Variants in CFAP45 observed in about 807,000 individuals in gnomAD.
CFAP45 encodes the protein cilia- and flagella-associated protein 45.
CFAP45 carries 43 observed loss-of-function variants against 75.6 expected under a neutral mutation model. The ratio of observed to expected loss-of-function variants is 0.57; its 90% CI spans 0.45 to 0.73. The LOEUF (loss-of-function observed/expected upper bound fraction) is 0.73. Ranked by LOEUF, CFAP45 falls within the 30% of genes least tolerant of loss-of-function variation. The pLI is 0.00. For missense variants in CFAP45, 689 were observed against 701.5 expected (o/e 0.98, Z 0.20); for synonymous variants, 223 against 244.6 (o/e 0.91, Z 0.82).
intron 1 of CFAP45, among the ~76,000 whole-genome samples, chr1:159,897,375 G>A (rs1346385299): frequency 3.3e-5 from 5 of 152,188 alleles, no homozygotes; most frequent in Non-Finnish European, 7.3e-5. Flanking sequence ...CCTGAGGTCA[G>A]GAATTTGAGA....
At chr1:159,877,570 C>T in intron 8 of CFAP45, 108 bp from the exon 9 acceptor site, 1 of 808,548 alleles carries the variant, frequency 1.2e-6, no homozygotes, top group Non-Finnish European at 2.2e-6. Context: ...CACTTCCTGA[C>T]TCCTTTTAAA....
At chr1:159,888,546 C>A in intron 3 of CFAP45, 50 bp from the exon 4 acceptor site, 1 of 1,560,768 alleles carries the variant, frequency 6.4e-7, no homozygotes, top group South Asian at 1.1e-5. Context: ...AAGCTCTCAG[C>A]ACCACACTTC....
intron 8 of CFAP45, 65 bp from the exon 9 acceptor site, chr1:159,877,527 C>G: frequency 1.8e-6 from 2 of 1,110,806 alleles, no homozygotes; most frequent in South Asian, 2.5e-5. Context: ...AGAAACAAAA[C>G]CCCTACAACA....
chr1:159,883,287 AC>A (rs1649592949), intron 7 of CFAP45, among the ~76,000 whole-genome samples: 1 of 132,324 alleles, frequency 7.6e-6, no homozygotes, highest in Non-Finnish European at 1.7e-5. Context: ...TGAATGAAGA[AC>A]TGAATGAATG....
chr1:159,887,304 A>G (rs1296614681), intron 5 of CFAP45, among the ~76,000 whole-genome samples: 1 of 152,220 alleles, frequency 6.6e-6, no homozygotes, highest in African/African-American at 2.4e-5. Context: ...AGGTGCAGGG[A>G]TTGGGGAATC....
chr1:159,874,439 G>T (rs565569136), intron 10 of CFAP45, among the ~76,000 whole-genome samples: 3 of 152,140 alleles, frequency 2.0e-5, no homozygotes, highest in Non-Finnish European at 4.4e-5. Flanking sequence ...CAGTTTACCC[G>T]AAGAATACTG....
intron 3 of CFAP45, among the ~76,000 whole-genome samples, chr1:159,888,824 C>G (rs531547043): frequency 6.6e-6 from 1 of 150,522 alleles, no homozygotes; most frequent in Admixed American, 6.6e-5. Context: ...TCACCTCCTC[C>G]TCTGAGCCCA....
chr1:159,886,560 T>A lies in CFAP45; in HGVS notation c.718A>T (p.Ile240Phe), dbSNP rs766715218. The stretch of plus-strand genomic sequence containing the variant: ...CTCTCCAGTTCCTCCTGCCTTTGAA[T>A]GGATTTCTGCCGCTCCACTTCCATC... Reference protein sequence around the residue: ...QMMEVERQKSIQRQEELERKR... With the variant: ...QMMEVERQKSFQRQEELERKR... The change falls in exon 6 of 12, where the codon ATT (isoleucine) becomes TTT (phenylalanine). Residue 240 changes from isoleucine to phenylalanine, a missense_variant. Physicochemically the swap from Ile to Phe is conservative, Grantham distance 21 (BLOSUM62 0). Transcript: ENST00000368099. The A allele has an allele frequency of 4.4e-5, 71 of 1,614,074 alleles. No homozygotes were observed. Among genetic ancestry groups the A allele is most frequent in the Non-Finnish European group, 5.6e-5 (66 of 1,180,038 alleles).
At chr1:159,878,753 T>TAAAAAAAAAAAAAAAAAG (rs1649470238) in intron 8 of CFAP45, among the ~76,000 whole-genome samples, 1 of 32,496 alleles carries the variant, frequency 3.1e-5, no homozygotes, top group Non-Finnish European at 5.8e-5. Context: ...AGACTACATC[T>TAAAAAAAAAAAAAAAAAG]AAAAAAAAAA....
At chr1:159,878,929 C>A (rs896919968) in intron 8 of CFAP45, among the ~76,000 whole-genome samples, 1 of 151,964 alleles carries the variant, frequency 6.6e-6, no homozygotes, top group Non-Finnish European at 1.5e-5. Flanking sequence ...TTTCTACAAC[C>A]AATTTCTGCT....
rs1342612292 is a variant in CFAP45, at chr1:159,877,415, C to G, written c.1092G>C (p.Glu364Asp). Residue 364 changes from glutamate to aspartate, a missense_variant, in exon 9 of 12, where the codon GAG (glutamate) becomes GAC (aspartate). Glu to Asp is a conservative substitution (Grantham distance 45, BLOSUM62 2). Transcript: ENST00000368099. ...FEAEQERIRR[E>D]KEKEIARLRA... ...TCAAGCGTGCGATCTCCTTCTCTTT[C>G]TCCCTCCGGATTCTCTCCTGCTCAG... is the stretch of plus-strand genomic sequence containing the variant. 3 of 1,614,062 alleles carry G rather than the reference C, an allele frequency of 1.9e-6. No homozygotes were observed. Among genetic ancestry groups the G allele is most frequent in the Non-Finnish European group, 2.5e-6 (3 of 1,180,020 alleles).
intron 7 of CFAP45, among the ~76,000 whole-genome samples, chr1:159,883,620 T>TAA (rs199762533): frequency 1.3e-4 from 3 of 22,872 alleles, no homozygotes; most frequent in Admixed American, 8.8e-4. Flanking sequence ...AGTTTAACAA[T>TAA]AAAATATATA....
At chr1:159,876,009 T>C (rs1220550523) in intron 10 of CFAP45, among the ~76,000 whole-genome samples, 1 of 152,226 alleles carries the variant, frequency 6.6e-6, no homozygotes, top group African/African-American at 2.4e-5. Context: ...AAATCTCTAA[T>C]ACCTTTCCTG....
rs776465311 is a variant in CFAP45, at chr1:159,900,112, C to T, written c.-14G>A. On this transcript the variant is annotated 5_prime_UTR_variant, in exon 1 of 12. In the 5' UTR this introduces an upstream ATG that the reference lacks. Coordinates refer to ENST00000368099, the MANE Select transcript of CFAP45 (RefSeq NM_012337.3). ...CTCCCTCACCATCTCCTCAGCCACA[C>T]GCCCTGACTCCGGACTTCTGCTGCC... 41 of 1,614,060 alleles carry T rather than the reference C, an allele frequency of 2.5e-5. No homozygotes were observed. Among genetic ancestry groups the T allele is most frequent in the South Asian group, 1.1e-4 (10 of 91,090 alleles).
chr1:159,890,449 G>C (rs778620318), intron 3 of CFAP45, 31 bp downstream of exon 3: 2 of 1,611,668 alleles, frequency 1.2e-6, no homozygotes, highest in Non-Finnish European at 1.7e-6. Context: ...ATGAGGACTG[G>C]ACATAGAAGG....
At position 159,888,515 on chromosome 1, in the gene CFAP45, G is replaced by A; in HGVS notation, c.273-19C>T. Reference sequence around the variant, plus strand: ...GGGAACACTGTCACAAGAATAAACAGAGTTAGGGAGGGGAGAGGGAAAGCT... The same window carrying A: ...GGGAACACTGTCACAAGAATAAACAAAGTTAGGGAGGGGAGAGGGAAAGCT... On this transcript the variant is annotated intron_variant, in intron 3 of 11. Transcript: ENST00000368099. The A allele has an allele frequency of 6.2e-7, 1 of 1,611,868 alleles. No homozygotes were observed. The highest frequency in any genetic ancestry group is 1.3e-5 in the African/African-American group (1 of 74,952).
intron 1 of CFAP45, chr1:159,898,112 C>G (rs1332690493): frequency 1.0e-6 from 1 of 985,290 alleles, no homozygotes; most frequent in Non-Finnish European, 1.2e-6. Context: ...CGCAGGCTGG[C>G]AAATTCAGGC....
chr1:159,886,383 A>G, intron 6 of CFAP45, 128 bp downstream of exon 6: 1 of 861,846 alleles, frequency 1.2e-6, no homozygotes, highest in South Asian at 1.7e-5. Flanking sequence ...TCACTTCGTA[A>G]AGTTTTGAGA....
intron 1 of CFAP45, among the ~76,000 whole-genome samples, chr1:159,897,342 G>T (rs1649976183): frequency 6.6e-6 from 1 of 151,928 alleles, no homozygotes; most frequent in South Asian, 2.1e-4. Context: ...CCAGCACTTT[G>T]GGAGGCCAAA....
Sources: allele counts gnomAD v4.1 joint callset (sites outside exome capture counted in the v4.1 genomes callset), GRCh38; gene constraint gnomAD v4.1.1; transcripts MANE v1.5; gene names NCBI Gene and HGNC (gene_info 2026-07-23, HGNC 2026-07-21).